Variants in SLC45A4 observed in about 807,000 individuals in gnomAD.
The protein encoded by SLC45A4 is solute carrier family 45 member 4, also known as polyamine-transporter SLC45A4.
SLC45A4 carries 32 observed loss-of-function variants against 63.7 expected under a neutral mutation model. The ratio of observed to expected loss-of-function variants is 0.50; its 90% CI spans 0.38 to 0.67. The LOEUF (loss-of-function observed/expected upper bound fraction) is 0.67. Ranked by LOEUF, SLC45A4 falls within the 30% of genes least tolerant of loss-of-function variation. The probability of loss-of-function intolerance (pLI) is 0.00; values close to 1 mark genes in which losing one functional copy is unlikely to be tolerated. For synonymous variants in SLC45A4, 535 were observed against 510.0 expected (o/e 1.05, Z -0.66); for missense variants, 1,027 against 1,157.7 (o/e 0.89, Z 1.64).
In SLC45A4 at chr8:141,254,290, T is replaced by C; in HGVS notation, c.-61A>G. 2 of 1,421,226 alleles carry C rather than the reference T, an allele frequency of 1.4e-6. No homozygotes were observed. Among genetic ancestry groups the C allele is most frequent in the South Asian group, 1.4e-5 (1 of 69,240 alleles). The allele number at this position is 1,421,226 out of a possible 1,614,324, so 88.0% of individuals were successfully genotyped here. On this transcript the variant is annotated 5_prime_UTR_variant, in exon 2 of 9. In the 5' UTR this introduces an upstream ATG that the reference lacks. Coordinates refer to ENST00000517878, the MANE Select transcript of SLC45A4 (RefSeq NM_001286646.2). This position sits in a 1 kb window ranked among gnomAD's most constrained non-coding sequence, Gnocchi z 4.5. Reference sequence around the variant, plus strand: ...TATCTATATAAATAATGCTTTCATATATCTGTAATGATAAATTAAGACGTC... The same window carrying C: ...TATCTATATAAATAATGCTTTCATACATCTGTAATGATAAATTAAGACGTC...
intron 1 of SLC45A4, among the ~76,000 whole-genome samples, chr8:141,299,003 C>G (rs1830654920): frequency 6.6e-6 from 1 of 151,838 alleles, no homozygotes; most frequent in Non-Finnish European, 1.5e-5. Context: ...GTGCCCCCAC[C>G]AGGCGCTGCT....
chr8:141,224,419 C>T (rs551615132), intron 2 of SLC45A4: 26 of 152,104 alleles, frequency 1.7e-4, no homozygotes, highest in African/African-American at 6.0e-4. Flanking sequence ...CCGTTCATCC[C>T]GTTACGTCTT....
At chr8:141,287,441 G>A (rs1179109992) in intron 1 of SLC45A4, among the ~76,000 whole-genome samples, 3 of 152,172 alleles carry the variant, frequency 2.0e-5, no homozygotes. Flanking sequence ...CTGTGCCCCT[G>A]CCACAGACCG....
chr8:141,293,893 G>A (rs576457207), intron 1 of SLC45A4, among the ~76,000 whole-genome samples: 6 of 148,654 alleles, frequency 4.0e-5, no homozygotes, highest in Non-Finnish European at 6.0e-5. Context: ...AGATAGTGTC[G>A]CTGCACTCCA....
chr8:141,215,969 G>A lies in SLC45A4; in HGVS notation c.1731C>T (p.Ala577=). ...AGTTGTCCAAGTACTTCTGTAACAG[G>A]GCTGCAGAGAGGGGCACAGGGACAA... The part of the protein sequence containing the change: ...IYAATGAICS[A]LLQKYLDNYD... Residue 577 remains alanine, a splice_region_variant and synonymous_variant, in exon 7 of 9, where the codon GCC becomes GCT. Coordinates refer to ENST00000517878, the MANE Select transcript of SLC45A4 (RefSeq NM_001286646.2). The surrounding 1 kb of genome is among the most constrained non-coding windows in gnomAD (Gnocchi z 4.3). 4 of 1,612,960 alleles carry A rather than the reference G, an allele frequency of 2.5e-6. No individual in the cohort carries two copies. The highest frequency in any genetic ancestry group is 2.2e-5 in the South Asian group (2 of 90,990).
At position 141,256,741 on chromosome 8, in the gene SLC45A4, C is replaced by T. The variant is rs537028374; in HGVS notation, c.-400-2112G>A. 8.7e-5 allele frequency: 35 copies of T among 404,250 alleles called. No homozygotes were observed. Among genetic ancestry groups the T allele is most frequent in the Admixed American group, 7.4e-4 (27 of 36,430 alleles). The allele number at this position is 404,250 out of a possible 1,614,324, so 25.0% of individuals were successfully genotyped here. A position where few individuals can be genotyped will look rare whatever the true frequency, so the allele number is the denominator to read the frequency against. On this transcript the variant is annotated intron_variant, in intron 1 of 8. Coordinates refer to ENST00000517878, the MANE Select transcript of SLC45A4 (RefSeq NM_001286646.2). The surrounding 1 kb of genome is among the most constrained non-coding windows in gnomAD (Gnocchi z 4.3). Reference sequence around the variant, plus strand: ...GTCGCTACGATTCCACACGACAGCCCTCGAGAATTCTTTCAAGTTTTCCAA... The same window carrying T: ...GTCGCTACGATTCCACACGACAGCCTTCGAGAATTCTTTCAAGTTTTCCAA...
At position 141,210,128 on chromosome 8, in the gene SLC45A4, C is replaced by G. The variant is rs1193910187; in HGVS notation, c.*1444G>C. ...CCGGAGAAACCAGCTAAGACGGGAGCTGCGCCTCGAGATCCTGACAAGTAC... is the reference window on the plus strand; with the variant it reads ...CCGGAGAAACCAGCTAAGACGGGAGGTGCGCCTCGAGATCCTGACAAGTAC... On this transcript the variant is annotated 3_prime_UTR_variant, in exon 9 of 9. Coordinates refer to ENST00000517878, the MANE Select transcript of SLC45A4 (RefSeq NM_001286646.2). 6.6e-6 allele frequency: 1 copy of G among 152,418 alleles called. No homozygotes were observed. Among genetic ancestry groups the G allele is most frequent in the East Asian group, 1.9e-4 (1 of 5,186 alleles). 9.4% of individuals were successfully genotyped at this position (152,418 alleles called of 1,614,324 possible).
intron 1 of SLC45A4, among the ~76,000 whole-genome samples, chr8:141,281,273 A>G (rs985670311): frequency 4.6e-5 from 7 of 152,190 alleles, no homozygotes; most frequent in Admixed American, 2.6e-4. Flanking sequence ...CGGGAGGCGG[A>G]GGGTGCAGTG....
intron 2 of SLC45A4, among the ~76,000 whole-genome samples, chr8:141,246,628 C>T (rs577505685): frequency 7.3e-4 from 12 of 16,496 alleles, no homozygotes; most frequent in Admixed American, 1.1e-3. Flanking sequence ...TGCACAAGGC[C>T]GTGAAAGCCA....
chr8:141,257,387 A>G (rs1828843960), intron 1 of SLC45A4, among the ~76,000 whole-genome samples: 1 of 152,358 alleles, frequency 6.6e-6, no homozygotes, highest in African/African-American at 2.4e-5. Context: ...GAGAAGAAGT[A>G]ACACCCAGAC....
intron 1 of SLC45A4, among the ~76,000 whole-genome samples, chr8:141,288,531 C>T (rs901397752): frequency 1.3e-5 from 2 of 152,258 alleles, no homozygotes; most frequent in Non-Finnish European, 2.9e-5. Context: ...TCTTGCCCCA[C>T]CAAGTTAGAT....
chr8:141,222,860 G>A (rs559135866), intron 2 of SLC45A4, among the ~76,000 whole-genome samples: 3 of 152,352 alleles, frequency 2.0e-5, no homozygotes, highest in African/African-American at 7.2e-5. Context: ...AAGCGGGGTC[G>A]GGTGTCTGTT....
chr8:141,216,532 A>AT (rs889214414), intron 6 of SLC45A4, among the ~76,000 whole-genome samples: 13 of 152,178 alleles, frequency 8.5e-5, no homozygotes, highest in African/African-American at 2.9e-4. Context: ...ACCAAGAGGC[A>AT]TTTACTTCGG....
At chr8:141,293,185 T>C (rs1235169303) in intron 1 of SLC45A4, among the ~76,000 whole-genome samples, 1 of 152,228 alleles carries the variant, frequency 6.6e-6, no homozygotes. Context: ...CCGGGCGCAG[T>C]GGCTCACACC....
At chr8:141,255,009 G>C (rs1235041315) in intron 1 of SLC45A4, among the ~76,000 whole-genome samples, 1 of 152,176 alleles carries the variant, frequency 6.6e-6, no homozygotes, top group Non-Finnish European at 1.5e-5. Flanking sequence ...TGTGGCTGCA[G>C]ATATCATGAA....
intron 1 of SLC45A4, among the ~76,000 whole-genome samples, chr8:141,269,534 G>A (rs1183254481): frequency 6.6e-6 from 1 of 151,440 alleles, no homozygotes; most frequent in Non-Finnish European, 1.5e-5. Flanking sequence ...CTGCCTATGT[G>A]GGTGTGTGTG....
chr8:141,239,540 G>A (rs567143608), intron 2 of SLC45A4, among the ~76,000 whole-genome samples: 3 of 151,682 alleles, frequency 2.0e-5, no homozygotes, highest in African/African-American at 7.3e-5. Context: ...GCTTAGCAAA[G>A]TAAGTGCTTA....
In SLC45A4 at chr8:141,221,558, G is replaced by C. The variant is rs190966561; in HGVS notation, c.430+19C>G. The C allele has an allele frequency of 1.2e-6, 2 of 1,608,308 alleles. No homozygotes were observed. Among genetic ancestry groups the C allele is most frequent in the Non-Finnish European group, 1.7e-6 (2 of 1,177,552 alleles). Reference sequence around the variant, plus strand: ...CCCGTCTGTGTTGTGAGGACACCAGGTGTGGCCGAGAAACTTACCGATGGC... The same window carrying C: ...CCCGTCTGTGTTGTGAGGACACCAGCTGTGGCCGAGAAACTTACCGATGGC... On this transcript the variant is annotated intron_variant, in intron 3 of 8. Coordinates refer to ENST00000517878, the MANE Select transcript of SLC45A4 (RefSeq NM_001286646.2).
rs985568512 is a variant in SLC45A4 at position 141,219,650 on chromosome 8, C to T, written c.610G>A (p.Gly204Ser). The T allele has an allele frequency of 1.6e-5, 26 of 1,604,520 alleles. No individual in the cohort carries two copies. The highest frequency in any genetic ancestry group is 4.0e-5 in the African/African-American group (3 of 74,824). ...MALNIHAFSA[G>S]LGGAIGYVLG... ...CCCAGCCTTGGTGCGGCAGCGTTAC[C>T]GGCAGAGAAGGCGTGGATGTTGAGG... The change falls in exon 4 of 9, where the codon GGC (glycine) becomes AGC (serine). Residue 204 changes from glycine (G) to serine (S), a missense_variant and splice_region_variant. Coordinates refer to ENST00000517878, the MANE Select transcript of SLC45A4 (RefSeq NM_001286646.2).
Sources: gnomAD v4.1 joint callset for allele counts (sites outside exome capture counted in the v4.1 genomes callset) on GRCh38, gnomAD v4.1.1 for gene constraint, Gnocchi (gnomAD v3.1) non-coding constraint, MANE v1.5 for transcripts, NCBI Gene and HGNC (gene_info 2026-07-23, HGNC 2026-07-21) for gene names.